Variants in CNIH3 observed in about 807,000 individuals in gnomAD.
CNIH3 encodes cornichon family AMPA receptor auxiliary protein 3.
CNIH3 carries 14 observed loss-of-function variants against 24.1 expected under a neutral mutation model. The observed-to-expected ratio is 0.58, with a 90% confidence interval of 0.38 to 0.91. The LOEUF is 0.91. Ranked by LOEUF, CNIH3 falls within the 40% of genes least tolerant of loss-of-function variation. CNIH3 has a pLI of 0.00. For synonymous variants in CNIH3, 68 were observed against 73.8 expected (o/e 0.92, Z 0.40); for missense variants, 178 against 196.8 (o/e 0.90, Z 0.57).
chr1:224,436,148 T>G (rs1409259784), intron 1 of CNIH3, among the ~76,000 whole-genome samples: 1 of 152,156 alleles, frequency 6.6e-6, no homozygotes, highest in Admixed American at 6.5e-5. Flanking sequence ...TCTTACTGCT[T>G]AAATTTGCTT....
chr1:224,434,927 G>T, intron 1 of CNIH3: 1 of 985,884 alleles, frequency 1.0e-6, no homozygotes, highest in Non-Finnish European at 1.2e-6. Flanking sequence ...GGGGTCAGGG[G>T]AGGGAGGCCA....
chr1:224,622,237 T>C (rs551562893), intron 1 of CNIH3, among the ~76,000 whole-genome samples: 5 of 152,330 alleles, frequency 3.3e-5, no homozygotes, highest in South Asian at 2.1e-4. Flanking sequence ...ATGTGCATTT[T>C]CCCCCATGCC....
rs374898401 is a variant in CNIH3, at chr1:224,617,167, C to T, written c.-8C>T. 26 of 1,613,690 alleles carry T rather than the reference C, an allele frequency of 1.6e-5. No individual in the cohort carries two copies. In the African/African-American group the frequency reaches 3.3e-4, roughly 21 times the overall value. ...TGGCGTGTGTGGTGGGATTGGGGTCCGCCGGCCATGGCCTTCACTTTCGCT... is the reference window on the plus strand; with the variant it reads ...TGGCGTGTGTGGTGGGATTGGGGTCTGCCGGCCATGGCCTTCACTTTCGCT... On this transcript the variant is annotated 5_prime_UTR_variant, in exon 1 of 6. Coordinates refer to ENST00000272133, the MANE Select transcript of CNIH3 (RefSeq NM_152495.2).
intron 1 of CNIH3, among the ~76,000 whole-genome samples, chr1:224,629,052 G>T (rs986315534): frequency 6.6e-6 from 1 of 151,184 alleles, no homozygotes; most frequent in Non-Finnish European, 1.5e-5. Flanking sequence ...TGTCACCCAG[G>T]CTGGAGTGCA....
chr1:224,487,894 C>T (rs1330294597), intron 1 of CNIH3, among the ~76,000 whole-genome samples: 2 of 152,026 alleles, frequency 1.3e-5, no homozygotes, highest in African/African-American at 2.4e-5. Flanking sequence ...CTTTAAAAAC[C>T]CTTTCCTTCT....
At chr1:224,676,323 T>G (rs1327635986) in intron 1 of CNIH3, among the ~76,000 whole-genome samples, 1 of 151,984 alleles carries the variant, frequency 6.6e-6, no homozygotes, top group Non-Finnish European at 1.5e-5. Context: ...GGAGAACAGA[T>G]TAGTGGTTGC....
intron 1 of CNIH3, among the ~76,000 whole-genome samples, chr1:224,678,321 GAT>G (rs1462985898): frequency 6.6e-6 from 1 of 152,190 alleles, no homozygotes; most frequent in East Asian, 1.9e-4. Flanking sequence ...CCAGGAATGT[GAT>G]ATGGCCACAA....
At chr1:224,715,036 A>AGGGGTTT (rs1261718466) in intron 3 of CNIH3, among the ~76,000 whole-genome samples, 1 of 152,174 alleles carries the variant, frequency 6.6e-6, no homozygotes, top group Non-Finnish European at 1.5e-5. Flanking sequence ...AAAACAACCA[A>AGGGGTTT]TCAACAAAAA....
intron 3 of CNIH3, among the ~76,000 whole-genome samples, chr1:224,720,433 CG>C: frequency 6.6e-6 from 1 of 152,156 alleles, no homozygotes; most frequent in Middle Eastern, 3.4e-3. Context: ...ACCTGGGAAA[CG>C]TGGCTGTAGC....
chr1:224,462,637 A>ATTT (rs34550181), intron 1 of CNIH3, among the ~76,000 whole-genome samples: 125 of 119,358 alleles, frequency 1.0e-3, no homozygotes, highest in East Asian at 3.2e-3. Flanking sequence ...TCTGGACCCA[A>ATTT]TTTTTTTTTT....
chr1:224,618,618 C>CCCTTGCT (rs1417276763), intron 1 of CNIH3, among the ~76,000 whole-genome samples: 1 of 152,206 alleles, frequency 6.6e-6, no homozygotes, highest in Non-Finnish European at 1.5e-5. Flanking sequence ...TTAGGAAAGA[C>CCCTTGCT]CCTTGCTGGC....
intron 1 of CNIH3, among the ~76,000 whole-genome samples, chr1:224,625,200 A>G (rs1355353361): frequency 2.0e-5 from 3 of 152,166 alleles, no homozygotes; most frequent in African/African-American, 4.8e-5. Context: ...CTCCTCCTCA[A>G]TGAATACTTT....
intron 4 of CNIH3, among the ~76,000 whole-genome samples, chr1:224,568,056 A>C (rs149515595): frequency 1.1e-4 from 17 of 152,050 alleles, no homozygotes; most frequent in Admixed American, 2.6e-4. Context: ...CTTTGGGAGG[A>C]CAAGGCGGGC....
chr1:224,596,858 A>G (rs1407856688), intron 3 of CNIH3, among the ~76,000 whole-genome samples: 4 of 152,196 alleles, frequency 2.6e-5, no homozygotes, highest in African/African-American at 9.7e-5. Context: ...CAGGCATCAA[A>G]AAACAGAATC....
At chr1:224,490,901 A>G (rs1677213412) in intron 1 of CNIH3, among the ~76,000 whole-genome samples, 1 of 152,242 alleles carries the variant, frequency 6.6e-6, no homozygotes, top group Non-Finnish European at 1.5e-5. Context: ...ACATACAGAA[A>G]TTGGCAGTGA....
chr1:224,602,811 G>A (rs948285493), intron 3 of CNIH3, among the ~76,000 whole-genome samples: 7 of 152,196 alleles, frequency 4.6e-5, no homozygotes, highest in African/African-American at 1.4e-4. Flanking sequence ...TGGCAACTTC[G>A]GGAAAGGCAA....
rs1687664879 is a variant in CNIH3, at chr1:224,704,349, A to G, written c.198+19506A>G. Among the ~76,000 whole-genome samples the G allele has an allele frequency of 6.6e-6, 1 of 152,170 alleles. No homozygotes were observed. Among genetic ancestry groups the G allele is most frequent in the Non-Finnish European group, 1.5e-5 (1 of 68,022 alleles). On this transcript the variant is annotated intron_variant, in intron 3 of 5. Coordinates refer to ENST00000272133, the MANE Select transcript of CNIH3 (RefSeq NM_152495.2). This position sits in a 1 kb window ranked among gnomAD's most constrained non-coding sequence, Gnocchi z 4.2. ...CCAGCAGGGGCTCTCTGCAAAAGCT[A>G]AAGTCAGCAGCAGATGATATGATGC...
intron 1 of CNIH3, among the ~76,000 whole-genome samples, chr1:224,506,352 C>A (rs957071160): frequency 6.6e-6 from 1 of 152,166 alleles, no homozygotes; most frequent in Non-Finnish European, 1.5e-5. Flanking sequence ...AGACTTCAGG[C>A]ACAGTGATGA....
intron 2 of CNIH3, chr1:224,529,446 T>A (rs1028752051): frequency 5.3e-5 from 8 of 152,182 alleles, no homozygotes; most frequent in Non-Finnish European, 1.2e-4. Context: ...GGATGCATAA[T>A]TATATTATTC....
Sources: gnomAD v4.1 joint callset for allele counts (sites outside exome capture counted in the v4.1 genomes callset) on GRCh38, gnomAD v4.1.1 for gene constraint, Gnocchi (gnomAD v3.1) non-coding constraint, MANE v1.5 for transcripts, NCBI Gene and HGNC (gene_info 2026-07-23, HGNC 2026-07-21) for gene names.